Variants in MIPOL1 observed in about 807,000 individuals in gnomAD.
MIPOL1 encodes mirror-image polydactyly 1.
Under a neutral mutation model 60.9 loss-of-function variants are expected in MIPOL1, and 57 were observed. The observed-to-expected ratio is 0.94, with a 90% CI of 0.76 to 1.17. The LOEUF (loss-of-function observed/expected upper bound fraction) is 1.17. MIPOL1 is among the 50% of genes most tolerant of loss of function. The probability of loss-of-function intolerance (pLI) is 0.00; values close to 1 mark genes in which losing one functional copy is unlikely to be tolerated. For synonymous variants in MIPOL1, 179 were observed against 168.8 expected, an observed-to-expected ratio of 1.06 and a Z score of -0.47; for missense variants, 551 against 511.6, an observed-to-expected ratio of 1.08 and a Z score of -0.74.
At chr14:37,385,099 G>T (rs1239233216) in intron 10 of MIPOL1, among the ~76,000 whole-genome samples, 1 of 151,946 alleles carries the variant, frequency 6.6e-6, no homozygotes, top group East Asian at 1.9e-4. Context: ...AAAACTATAC[G>T]ATAGAAGAAA....
At chr14:37,483,740 A>G (rs898322972) in intron 11 of MIPOL1, among the ~76,000 whole-genome samples, 8 of 151,996 alleles carry the variant, frequency 5.3e-5, no homozygotes, top group Non-Finnish European at 7.4e-5. Context: ...GGCTCAAGCA[A>G]TCCTCCTGCC....
rs528408727 is a variant in MIPOL1, at chr14:37,299,661, C to T, written c.624-8395C>T. Among the ~76,000 whole-genome samples, 5 of 152,138 alleles carry T rather than the reference C, an allele frequency of 3.3e-5. 1 individual carries two copies. The highest frequency in any genetic ancestry group is 6.6e-5 in the Admixed American group (1 of 15,248). On this transcript the variant is annotated intron_variant, in intron 7 of 12. Coordinates refer to ENST00000684589, the MANE Select transcript of MIPOL1 (RefSeq NM_001388067.1). ...TTCTAGAACAGTTGTGAAGATCATA[C>T]AGATAGTTGCTGCATAATCCTCACG...
intron 9 of MIPOL1, among the ~76,000 whole-genome samples, chr14:37,326,203 C>T (rs970952874): frequency 6.6e-6 from 1 of 152,188 alleles, no homozygotes; most frequent in African/African-American, 2.4e-5. Context: ...ACTTAGCTGG[C>T]ACTGTAACCA....
chr14:37,298,396 G>A (rs189986034), intron 7 of MIPOL1, among the ~76,000 whole-genome samples: 57 of 152,242 alleles, frequency 3.7e-4, no homozygotes, highest in Non-Finnish European at 6.9e-4. Context: ...CCTGGGCAAG[G>A]ACTTCATGTT....
chr14:37,358,948 A>G (rs908147297), intron 9 of MIPOL1, among the ~76,000 whole-genome samples: 1 of 152,144 alleles, frequency 6.6e-6, no homozygotes, highest in Admixed American at 6.5e-5. Context: ...GTTTTCTTCT[A>G]GGGTTTTTAT....
intron 9 of MIPOL1, among the ~76,000 whole-genome samples, chr14:37,356,936 G>A (rs1221697335): frequency 2.6e-5 from 4 of 151,984 alleles, no homozygotes; most frequent in Admixed American, 2.0e-4. Context: ...CCTCCCCCCA[G>A]GATCTCATTT....
intron 12 of MIPOL1, among the ~76,000 whole-genome samples, chr14:37,542,149 T>C (rs1311051475): frequency 6.6e-6 from 1 of 152,212 alleles, no homozygotes; most frequent in Non-Finnish European, 1.5e-5. Flanking sequence ...AAATGGACAT[T>C]TCACTTTAAT....
chr14:37,296,257 G>A lies in MIPOL1; in HGVS notation c.623+10810G>A, dbSNP rs189165285. On this transcript the variant is annotated intron_variant, in intron 7 of 12. Transcript: ENST00000684589. ...AATAAAGATGTTCTTTGAAACCAAC[G>A]AGAACAAAGAAACAACATACCAGAA... Among the ~76,000 whole-genome samples the A allele has an allele frequency of 4.6e-3, 703 of 152,200 alleles. 4 individuals are homozygous for A. Among genetic ancestry groups the A allele is most frequent in the African/African-American group, 0.016 (665 of 41,516 alleles).
At chr14:37,283,621 C>T (rs752638947) in intron 6 of MIPOL1, among the ~76,000 whole-genome samples, 5 of 152,102 alleles carry the variant, frequency 3.3e-5, no homozygotes, top group East Asian at 3.9e-4. Flanking sequence ...TCACATTGTG[C>T]GTCTGTGGTT....
intron 3 of MIPOL1, among the ~76,000 whole-genome samples, chr14:37,254,083 A>G (rs1363545810): frequency 6.6e-6 from 1 of 151,668 alleles, no homozygotes; most frequent in East Asian, 1.9e-4. Context: ...TATTTGAGAG[A>G]GTGGTTTTAG....
intron 6 of MIPOL1, chr14:37,276,702 A>C (rs2083687477): frequency 6.6e-6 from 1 of 151,228 alleles, no homozygotes; most frequent in Admixed American, 6.6e-5. Context: ...AATGGGCATC[A>C]ATAAAATGTG....
chr14:37,357,704 G>A (rs991569715), intron 9 of MIPOL1, among the ~76,000 whole-genome samples: 4 of 151,818 alleles, frequency 2.6e-5, no homozygotes, highest in African/African-American at 9.7e-5. Context: ...CTCCCATTCT[G>A]TAGGTTGTCT....
intron 12 of MIPOL1, among the ~76,000 whole-genome samples, chr14:37,527,116 T>C (rs981706838): frequency 6.6e-6 from 1 of 152,138 alleles, no homozygotes; most frequent in Non-Finnish European, 1.5e-5. Flanking sequence ...AAAAATTGTT[T>C]ATAAATCAAT....
rs1191655055 is a variant in MIPOL1, at chr14:37,225,340, A to G, written c.-198-21763A>G. Among the ~76,000 whole-genome samples, 5 of 152,192 alleles carry G rather than the reference A, an allele frequency of 3.3e-5. No individual in the cohort carries two copies. In the East Asian group the frequency reaches 7.7e-4, roughly 23 times the overall value. On this transcript the variant is annotated intron_variant, in intron 1 of 12. Transcript: ENST00000684589. ...TGCACTGCCCTAGCAGAGGTTCTCCATGAGGGCCCCACCCTGCCGCAAACT... is the reference window on the plus strand; with the variant it reads ...TGCACTGCCCTAGCAGAGGTTCTCCGTGAGGGCCCCACCCTGCCGCAAACT...
At chr14:37,464,890 T>C (rs1566653254) in intron 11 of MIPOL1, among the ~76,000 whole-genome samples, 1 of 152,224 alleles carries the variant, frequency 6.6e-6, no homozygotes. Flanking sequence ...ATTTTTGTTT[T>C]TTTATTTCCA....
intron 3 of MIPOL1, among the ~76,000 whole-genome samples, chr14:37,251,273 G>A (rs1974049918): frequency 6.6e-6 from 1 of 151,868 alleles, no homozygotes; most frequent in African/African-American, 2.4e-5. Context: ...TCACTATGTT[G>A]TCCAGGCTGT....
At chr14:37,402,882 A>AG (rs2093512050) in intron 10 of MIPOL1, among the ~76,000 whole-genome samples, 2 of 152,266 alleles carry the variant, frequency 1.3e-5, no homozygotes, top group Non-Finnish European at 2.9e-5. Flanking sequence ...GGATCTAATG[A>AG]GGAGAGGGCA....
chr14:37,337,022 G>A (rs961155775), intron 9 of MIPOL1, among the ~76,000 whole-genome samples: 2 of 151,772 alleles, frequency 1.3e-5, no homozygotes, highest in African/African-American at 4.8e-5. Context: ...TTCTGCCTCT[G>A]TAATTTTATC....
chr14:37,223,289 T>C (rs1969136152), intron 1 of MIPOL1, among the ~76,000 whole-genome samples: 1 of 151,902 alleles, frequency 6.6e-6, no homozygotes, highest in Non-Finnish European at 1.5e-5. Context: ...CACCTCGGCC[T>C]CCCAAAGTAC....
Sources: gnomAD v4.1 joint callset for allele counts (sites outside exome capture counted in the v4.1 genomes callset) on GRCh38, gnomAD v4.1.1 for gene constraint, MANE v1.5 for transcripts, NCBI Gene and HGNC (gene_info 2026-07-23, HGNC 2026-07-21) for gene names.